Variants in GPBP1 observed in about 807,000 individuals in gnomAD.
GPBP1 encodes vasculin.
Under a neutral mutation model 56.5 loss-of-function variants are expected in GPBP1, and 13 were observed. The observed-to-expected ratio is 0.23, with a 90% confidence interval of 0.15 to 0.37. The LOEUF is 0.37. Ranked by LOEUF, GPBP1 falls within the 10% of genes least tolerant of loss-of-function variation. The pLI is 1.00. For synonymous variants in GPBP1, 204 were observed against 188.9 expected (o/e 1.08, Z -0.66); for missense variants, 477 against 572.3 (o/e 0.83, Z 1.70).
chr5:57,196,670 G>A (rs1754760236), intron 2 of GPBP1, among the ~76,000 whole-genome samples: 1 of 152,044 alleles, frequency 6.6e-6, no homozygotes, highest in East Asian at 1.9e-4. Context: ...AGGGCTCACT[G>A]CAACCTCGAC....
chr5:57,188,376 C>T (rs552324466), intron 2 of GPBP1, among the ~76,000 whole-genome samples: 2 of 152,198 alleles, frequency 1.3e-5, no homozygotes, highest in African/African-American at 4.8e-5. Flanking sequence ...CAGTTCAGAT[C>T]TTCTCTCCAT....
chr5:57,182,611 TC>T (rs1361393452), intron 2 of GPBP1, among the ~76,000 whole-genome samples: 1 of 152,124 alleles, frequency 6.6e-6, no homozygotes, highest in African/African-American at 2.4e-5. Flanking sequence ...GACCTCGTGA[TC>T]CACCTGCCTC....
chr5:57,230,990 A>T, intron 4 of GPBP1, 21 bp downstream of exon 4: 2 of 1,580,410 alleles, frequency 1.3e-6, no homozygotes, highest in Non-Finnish European at 1.7e-6. Flanking sequence ...CTAAGGAATG[A>T]TGTTTATGGC....
chr5:57,229,587 G>T (rs1001758648), intron 3 of GPBP1, among the ~76,000 whole-genome samples: 1 of 151,528 alleles, frequency 6.6e-6, no homozygotes, highest in African/African-American at 2.4e-5. Context: ...CTGGAGTACA[G>T]TTGTGTCATC....
chr5:57,259,041 A>T (rs560413473), intron 10 of GPBP1, among the ~76,000 whole-genome samples: 2 of 152,348 alleles, frequency 1.3e-5, no homozygotes, highest in Admixed American at 1.3e-4. Context: ...AGTGAATGGA[A>T]ATGCTATTCC....
At chr5:57,215,317 A>G (rs1333571944) in intron 3 of GPBP1, among the ~76,000 whole-genome samples, 1 of 152,234 alleles carries the variant, frequency 6.6e-6, no homozygotes, top group Non-Finnish European at 1.5e-5. Flanking sequence ...ATTGAGGTGC[A>G]GAGTAAAGGG....
chr5:57,217,431 G>A (rs974993566), intron 3 of GPBP1, among the ~76,000 whole-genome samples: 2 of 152,100 alleles, frequency 1.3e-5, no homozygotes, highest in South Asian at 4.1e-4. Context: ...AATTATCCCG[G>A]TGTGGTGGTG....
chr5:57,204,172 A>G (rs1755133185), intron 2 of GPBP1, among the ~76,000 whole-genome samples: 1 of 152,238 alleles, frequency 6.6e-6, no homozygotes, highest in African/African-American at 2.4e-5. Context: ...AATTCAGTGG[A>G]ATAAAAATGT....
intron 2 of GPBP1, among the ~76,000 whole-genome samples, chr5:57,180,667 T>A (rs1270233229): frequency 7.9e-5 from 12 of 152,190 alleles, no homozygotes; most frequent in Admixed American, 7.2e-4. Context: ...GGCCTTAGTT[T>A]CTTCATTATA....
At chr5:57,181,428 C>A (rs1561319012) in intron 2 of GPBP1, among the ~76,000 whole-genome samples, 1 of 130,752 alleles carries the variant, frequency 7.6e-6, no homozygotes, top group African/African-American at 2.7e-5. Flanking sequence ...GGTGACAAGA[C>A]TGTGTCAAAA....
At chr5:57,261,007 T>C (rs1420494398) in intron 10 of GPBP1, among the ~76,000 whole-genome samples, 173 bp from the exon 11 acceptor site, 1 of 152,210 alleles carries the variant, frequency 6.6e-6, no homozygotes, top group Non-Finnish European at 1.5e-5. Flanking sequence ...ATCTTACCTG[T>C]TTATTCATTT....
At chr5:57,247,488 A>C (rs966696821) in intron 8 of GPBP1, among the ~76,000 whole-genome samples, 1 of 152,140 alleles carries the variant, frequency 6.6e-6, no homozygotes, top group African/African-American at 2.4e-5. Context: ...CAGGAATTTC[A>C]GACCAGCCTC....
Position 57,200,021 on chromosome 5 carries a change from C to CTT in GPBP1, c.-57-14026_-57-14025dup, listed in dbSNP as rs61426559. Among the ~76,000 whole-genome samples, 67 of 58,896 alleles carry CTT rather than the reference C, an allele frequency of 1.1e-3. 9 individuals carry two copies. The East Asian group carries it at 0.015, about 14-fold the overall frequency. The allele number at this position is 58,896 out of a possible 152,430, so 38.6% of individuals were successfully genotyped here. A position where few individuals can be genotyped will look rare whatever the true frequency, so the allele number is the denominator to read the frequency against. ...CTGCGCCTGGCCCTTACTTGAAAATCTTTTTTTTTTTTTTTTTTTTTTTTT... is the reference window on the plus strand; with the variant it reads ...CTGCGCCTGGCCCTTACTTGAAAATCTTTTTTTTTTTTTTTTTTTTTTTTTTT... On this transcript the variant is annotated intron_variant, in intron 2 of 11. Transcript: ENST00000506184.
Position 57,176,090 on chromosome 5 carries a change from C to T in GPBP1, c.-368C>T, listed in dbSNP as rs1753779904. Reference sequence around the variant, plus strand: ...ATGTGAAATTTTCTTTTTGTTTTTGCTTTTTGGCTCGTAAATTGGATATTT... The same window carrying T: ...ATGTGAAATTTTCTTTTTGTTTTTGTTTTTTGGCTCGTAAATTGGATATTT... On this transcript the variant is annotated 5_prime_UTR_variant, in exon 2 of 12. Coordinates refer to ENST00000506184, the MANE Select transcript of GPBP1 (RefSeq NM_022913.4). 2 of 398,054 alleles carry T rather than the reference C, an allele frequency of 5.0e-6. No individual in the cohort carries two copies. The highest frequency in any genetic ancestry group is 1.3e-4 in the South Asian group (1 of 7,848). The allele number at this position is 398,054 out of a possible 1,614,324, so 24.7% of individuals were successfully genotyped here.
chr5:57,204,263 T>G (rs1283527598), intron 2 of GPBP1, among the ~76,000 whole-genome samples: 1 of 151,648 alleles, frequency 6.6e-6, no homozygotes, highest in African/African-American at 2.4e-5. Context: ...TTTGTCTTGT[T>G]TTTTTTTGGT....
chr5:57,225,461 T>TGCACC (rs1487522344), intron 3 of GPBP1, among the ~76,000 whole-genome samples: 22 of 133,604 alleles, frequency 1.6e-4, no homozygotes, highest in African/African-American at 6.0e-4. Context: ...GCCACTGCAC[T>TGCACC]GCACCCTGGG....
chr5:57,261,894 A>G (rs528553578), intron 11 of GPBP1, among the ~76,000 whole-genome samples: 1 of 152,142 alleles, frequency 6.6e-6, no homozygotes, highest in South Asian at 2.1e-4. Flanking sequence ...TTATTTGTTT[A>G]TTTAAAGAGT....
intron 2 of GPBP1, among the ~76,000 whole-genome samples, chr5:57,183,409 A>T (rs903569381): frequency 4.6e-5 from 7 of 151,932 alleles, no homozygotes; most frequent in Non-Finnish European, 8.8e-5. Context: ...CATATGTACA[A>T]CTCTTAAGTT....
chr5:57,226,850 C>A (rs1258077014), intron 3 of GPBP1, among the ~76,000 whole-genome samples: 1 of 149,942 alleles, frequency 6.7e-6, no homozygotes, highest in Non-Finnish European at 1.5e-5. Context: ...TGCCATTCTC[C>A]TGCCTCAGTC....
Sources: gnomAD v4.1 joint callset for allele counts (sites outside exome capture counted in the v4.1 genomes callset) on GRCh38, gnomAD v4.1.1 for gene constraint, MANE v1.5 for transcripts, NCBI Gene and HGNC (gene_info 2026-07-23, HGNC 2026-07-21) for gene names.